TMEFF1: variants seen among roughly 807,000 people sequenced by gnomAD.
The protein encoded by TMEFF1 is tomoregulin-1.
TMEFF1 carries 20 observed loss-of-function variants against 47.5 expected under a neutral mutation model. That is an observed-to-expected ratio of 0.42 (90% confidence interval 0.30 to 0.61). TMEFF1 has a LOEUF of 0.61. Ranked by LOEUF, TMEFF1 falls within the 20% of genes least tolerant of loss-of-function variation. The pLI is 0.19. For synonymous variants in TMEFF1, 162 were observed against 166.3 expected (o/e 0.97, Z 0.20); for missense variants, 411 against 471.1 (o/e 0.87, Z 1.18).
rs115070429 is a variant in TMEFF1, at chr9:100,512,006, G to T, written c.437-1301G>T. Among the ~76,000 whole-genome samples the T allele has an allele frequency of 6.8e-3, 1,035 of 152,182 alleles. 10 individuals carry two copies. Among genetic ancestry groups the T allele is most frequent in the African/African-American group, 0.023 (963 of 41,516 alleles). On this transcript the variant is annotated intron_variant, in intron 3 of 9. Coordinates refer to ENST00000374879, the MANE Select transcript of TMEFF1 (RefSeq NM_003692.5). ...AGACATGGTTTGAAAAAAAGATTGG[G>T]AGTAGTATCTTGTGTACTGGGAATA...
chr9:100,548,000 A>C (rs1838766869), intron 6 of TMEFF1, 108 bp downstream of exon 6: 2 of 1,237,734 alleles, frequency 1.6e-6, no homozygotes, highest in African/African-American at 3.1e-5. Context: ...AAATCCTCGA[A>C]GCTTTATTTT....
At position 100,577,218 on chromosome 9, in the gene TMEFF1, G is replaced by A. The variant is rs1021700291; in HGVS notation, c.*618G>A. The A allele has an allele frequency of 6.6e-6, 1 of 152,562 alleles. No homozygotes were observed. The highest frequency in any genetic ancestry group is 2.4e-5 in the African/African-American group (1 of 41,452). The allele number at this position is 152,562 out of a possible 1,614,324, so 9.5% of individuals were successfully genotyped here. A position where few individuals can be genotyped will look rare whatever the true frequency, so the allele number is the denominator to read the frequency against. On this transcript the variant is annotated 3_prime_UTR_variant, in exon 10 of 10. Coordinates refer to ENST00000374879, the MANE Select transcript of TMEFF1 (RefSeq NM_003692.5). Reference sequence around the variant, plus strand: ...TGATGGAACAGATCAATGAAAAGTAGATATAGATATTGTGAAAATAGGCTG... The same window carrying A: ...TGATGGAACAGATCAATGAAAAGTAAATATAGATATTGTGAAAATAGGCTG...
chr9:100,503,660 C>G (rs995538145), intron 2 of TMEFF1, among the ~76,000 whole-genome samples: 1 of 152,086 alleles, frequency 6.6e-6, no homozygotes, highest in Non-Finnish European at 1.5e-5. Context: ...CATCTGTATA[C>G]TAGCCCAGGA....
Position 100,561,429 on chromosome 9 carries a change from G to A in TMEFF1, c.808G>A (p.Gly270Arg). 1 of 1,613,406 alleles carries A rather than the reference G, an allele frequency of 6.2e-7. No homozygotes were observed. Among genetic ancestry groups the A allele is most frequent in the Non-Finnish European group, 8.5e-7 (1 of 1,179,688 alleles). Residue 270 changes from glycine (G) to arginine (R), a missense_variant, in exon 8 of 10, where the codon GGA (glycine) becomes AGA (arginine). Gly to Arg is a moderately radical substitution (Grantham distance 125). Transcript: ENST00000374879. ...ASDQREDVYI[G>R]NHMPCPENLN... ...TGATCAAAGAGAAGATGTTTATATTGGAAACCACATGCCTTGCCCTGAAAA... is the reference window on the plus strand; with the variant it reads ...TGATCAAAGAGAAGATGTTTATATTAGAAACCACATGCCTTGCCCTGAAAA...
intron 6 of TMEFF1, 112 bp downstream of exon 6, chr9:100,548,004 T>G (rs1205833889): frequency 8.4e-7 from 1 of 1,193,066 alleles, no homozygotes; most frequent in African/African-American, 1.6e-5. Flanking sequence ...CCTCGAAGCT[T>G]TATTTTTTTA....
At chr9:100,569,238 A>C (rs906422632) in intron 8 of TMEFF1, among the ~76,000 whole-genome samples, 1 of 152,168 alleles carries the variant, frequency 6.6e-6, no homozygotes, top group Non-Finnish European at 1.5e-5. Context: ...GATTTAGGCT[A>C]TCGTAGTAAC....
chr9:100,474,893 A>T (rs928877438), intron 1 of TMEFF1, among the ~76,000 whole-genome samples: 2 of 152,114 alleles, frequency 1.3e-5, no homozygotes, highest in Admixed American at 6.6e-5. Flanking sequence ...TTCATTTCTA[A>T]AGGGGTCCCA....
At chr9:100,575,768 C>T (rs1380552959) in intron 9 of TMEFF1, among the ~76,000 whole-genome samples, 1 of 151,776 alleles carries the variant, frequency 6.6e-6, no homozygotes, top group East Asian at 1.9e-4. Context: ...ATTAGCAGAG[C>T]CCAGAATTCG....
chr9:100,497,334 T>G (rs1320977232), intron 1 of TMEFF1, among the ~76,000 whole-genome samples: 2 of 148,902 alleles, frequency 1.3e-5, no homozygotes, highest in Non-Finnish European at 3.0e-5. Context: ...TTTTTTTTTT[T>G]TTTTTTTTTT....
rs1006657099 is a variant in TMEFF1 at position 100,539,285 on chromosome 9, C to T, written c.561-8459C>T. ...GCAAGTCTAGTTTTTCGTCAGAATG[C>T]CTGTTTTCCAAAGTTGCTGTCCCAG... On this transcript the variant is annotated intron_variant, in intron 5 of 9. Transcript: ENST00000374879. 2.0e-5 allele frequency among the ~76,000 whole-genome samples: 3 copies of T among 152,170 alleles called. No homozygotes were observed. The East Asian group carries it at 5.8e-4, about 29-fold the overall frequency.
intron 5 of TMEFF1, among the ~76,000 whole-genome samples, chr9:100,519,960 C>T (rs2118400374): frequency 6.6e-6 from 1 of 152,148 alleles, no homozygotes; most frequent in South Asian, 2.1e-4. Flanking sequence ...TGGAATAGTA[C>T]TTACCTTTAT....
chr9:100,481,859 G>T (rs1837343105), intron 1 of TMEFF1, among the ~76,000 whole-genome samples: 1 of 152,118 alleles, frequency 6.6e-6, no homozygotes, highest in African/African-American at 2.4e-5. Flanking sequence ...TCAGCTCAGT[G>T]CAACCTCCGC....
chr9:100,478,683 C>A (rs531616414), intron 1 of TMEFF1, among the ~76,000 whole-genome samples: 1 of 151,590 alleles, frequency 6.6e-6, no homozygotes, highest in African/African-American at 2.4e-5. Flanking sequence ...TCCCAGTTAT[C>A]CAAAGAGAAA....
chr9:100,561,493 T>C lies in TMEFF1; in HGVS notation c.872T>C (p.Ile291Thr). Residue 291 changes from isoleucine (I) to threonine (T), a missense_variant, in exon 8 of 10, where the codon ATC becomes ACC. Coordinates refer to ENST00000374879, the MANE Select transcript of TMEFF1 (RefSeq NM_003692.5). ...GYCIHGKCEF[I>T]YSTQKASCRC... ...TGCATCCATGGAAAATGTGAATTCA[T>C]CTATTCTACTCAGAAGGCTTCTTGT... The C allele has an allele frequency of 6.2e-7, 1 of 1,613,702 alleles. No homozygotes were observed. The highest frequency in any genetic ancestry group is 8.5e-7 in the Non-Finnish European group (1 of 1,179,782).
At chr9:100,489,468 G>A (rs1054348386) in intron 1 of TMEFF1, among the ~76,000 whole-genome samples, 3 of 152,144 alleles carry the variant, frequency 2.0e-5, no homozygotes, top group East Asian at 1.9e-4. Context: ...TGGGATTACA[G>A]GCGTGAGGCA....
chr9:100,573,104 A>G (rs1839279417), intron 9 of TMEFF1, among the ~76,000 whole-genome samples: 2 of 151,960 alleles, frequency 1.3e-5, no homozygotes, highest in Non-Finnish European at 2.9e-5. Context: ...AGTAGCTGAG[A>G]CTATAGGCGT....
Position 100,473,265 on chromosome 9 carries a change from T to TCCCCTCGCCGCGGTGTC in TMEFF1, c.-275_-259dup, listed in dbSNP as rs1176543288. ...GCCCGCCGCGCGCGCGCCCGCCCGC[T>TCCCCTCGCCGCGGTGTC]CCCCTCGCCGCGGTGTCCCCCACGC... On this transcript the variant is annotated 5_prime_UTR_variant, in exon 1 of 10. Transcript: ENST00000374879. This position sits in a 1 kb window ranked among gnomAD's most constrained non-coding sequence, Gnocchi z 5.4. 2 of 148,550 alleles carry TCCCCTCGCCGCGGTGTC rather than the reference T, an allele frequency of 1.3e-5. No homozygotes were observed. Among genetic ancestry groups the TCCCCTCGCCGCGGTGTC allele is most frequent in the African/African-American group, 2.5e-5 (1 of 40,568 alleles). 9.2% of individuals were successfully genotyped at this position (148,550 alleles called of 1,614,324 possible).
chr9:100,536,487 GTT>G (rs1398147877), intron 5 of TMEFF1, among the ~76,000 whole-genome samples: 1 of 152,122 alleles, frequency 6.6e-6, no homozygotes, highest in Non-Finnish European at 1.5e-5. Context: ...CTCAAGTTTT[GTT>G]TAAGTAATGG....
rs112549847 is a variant in TMEFF1, at chr9:100,576,288, A to G, written c.1059-228A>G. 4.8e-3 allele frequency among the ~76,000 whole-genome samples: 733 copies of G among 152,286 alleles called. 5 individuals are homozygous for G. The highest frequency in any genetic ancestry group is 0.016 in the African/African-American group (679 of 41,562). On this transcript the variant is annotated intron_variant, in intron 9 of 9. Transcript: ENST00000374879. ...GAGTTTTGCTTGTGCCAGTACCTAT[A>G]TTACATATCTAATCCTCTCAACTTC... is the stretch of plus-strand genomic sequence containing the variant.
Sources: allele counts gnomAD v4.1 joint callset (sites outside exome capture counted in the v4.1 genomes callset), GRCh38; gene constraint gnomAD v4.1.1; non-coding constraint Gnocchi (gnomAD v3.1); transcripts MANE v1.5; gene names NCBI Gene and HGNC (gene_info 2026-07-23, HGNC 2026-07-21).